MYO1F: variants seen among roughly 807,000 people sequenced by gnomAD.
MYO1F encodes the protein unconventional myosin-If.
In MYO1F, 60 loss-of-function variants were observed where a neutral mutation model predicts 146.6. The ratio of observed to expected loss-of-function variants is 0.41; its 90% CI spans 0.33 to 0.51. The LOEUF (loss-of-function observed/expected upper bound fraction) is 0.51. MYO1F is among the 20% of genes least tolerant of loss of function. MYO1F has a pLI of 0.25. For synonymous variants in MYO1F, 602 were observed against 602.1 expected, an observed-to-expected ratio of 1.00 and a Z score of 0.00; for missense variants, 1,274 against 1,534.3, an observed-to-expected ratio of 0.83 and a Z score of 2.83.
At chr19:8,546,660 C>T (rs529815277) in intron 12 of MYO1F, among the ~76,000 whole-genome samples, 33 of 151,842 alleles carry the variant, frequency 2.2e-4, no homozygotes, top group African/African-American at 7.5e-4. Flanking sequence ...GTGTCTGGCT[C>T]GGTCTGTCTC....
intron 13 of MYO1F, 171 bp downstream of exon 13, chr19:8,545,479 T>C: frequency 2.9e-6 from 2 of 698,108 alleles, no homozygotes; most frequent in Admixed American, 2.0e-5. Context: ...GCGGAATGAA[T>C]GGATGAGGGG....
chr19:8,547,997 A>AC, intron 12 of MYO1F, 39 bp downstream of exon 12: 1 of 478,510 alleles, frequency 2.1e-6, no homozygotes, highest in Non-Finnish European at 3.6e-6. Flanking sequence ...CCCCACCCCC[A>AC]CCCCAGGATC....
At chr19:8,573,666 A>G (rs545565665) in intron 1 of MYO1F, among the ~76,000 whole-genome samples, 18 of 152,120 alleles carry the variant, frequency 1.2e-4, no homozygotes, top group Non-Finnish European at 2.2e-4. Flanking sequence ...CCTGGCCAAC[A>G]TGGCGAAACC....
intron 1 of MYO1F, among the ~76,000 whole-genome samples, chr19:8,561,383 C>CTT (rs1202910061): frequency 6.5e-5 from 7 of 107,382 alleles, no homozygotes; most frequent in African/African-American, 1.1e-4. Context: ...CCTCCCTTCC[C>CTT]CCCTTCTTTC....
Position 8,527,443 on chromosome 19 carries a change from T to A in MYO1F, c.2369A>T (p.Tyr790Phe). 1 of 1,614,046 alleles carries A rather than the reference T, an allele frequency of 6.2e-7. No individual in the cohort carries two copies. Among genetic ancestry groups the A allele is most frequent in the South Asian group, 1.1e-5 (1 of 91,052 alleles). ...RDLILTPKCVYVIGREKVKKG... is the reference protein window; with the variant it reads ...RDLILTPKCVFVIGREKVKKG... ...CTTCACTTTCTCTCGCCCAATCACATACACACACTTGGGCGTCAGGATCAA... is the reference window on the plus strand; with the variant it reads ...CTTCACTTTCTCTCGCCCAATCACAAACACACACTTGGGCGTCAGGATCAA... The change falls in exon 22 of 28, where the codon TAT becomes TTT. Residue 790 changes from tyrosine (Y) to phenylalanine (F), a missense_variant. Tyr to Phe is a conservative substitution (Grantham distance 22). This residue lies in a region of MYO1F where 900 missense variants were observed against 1,155.1 expected (regional missense o/e 0.78). Coordinates refer to ENST00000644032, the MANE Select transcript of MYO1F (RefSeq NM_012335.4).
chr19:8,532,902 ATACACACAC>A (rs1317005440), intron 19 of MYO1F, among the ~76,000 whole-genome samples: 1 of 30,348 alleles, frequency 3.3e-5, no homozygotes, highest in Non-Finnish European at 5.0e-5. Context: ...AAAAAAAAAA[ATACACACAC>A]ACACACACAC....
intron 22 of MYO1F, 75 bp from the exon 23 acceptor site, chr19:8,527,010 C>G: frequency 1.3e-6 from 2 of 1,582,846 alleles, no homozygotes; most frequent in Middle Eastern, 1.7e-4. Context: ...ATGAAGGTGG[C>G]TGAAGGTGGA....
intron 19 of MYO1F, among the ~76,000 whole-genome samples, chr19:8,531,893 G>A (rs111569539): frequency 0.018 from 2,680 of 152,172 alleles, 33 homozygotes; most frequent in African/African-American, 0.037. Flanking sequence ...CGAGGTGGGC[G>A]GATCACCTGA....
At chr19:8,575,764 A>G (rs1266447363) in intron 1 of MYO1F, among the ~76,000 whole-genome samples, 2 of 152,104 alleles carry the variant, frequency 1.3e-5, no homozygotes, top group Admixed American at 1.3e-4. Context: ...GGCCCCTCCC[A>G]GACCTTGTCT....
At chr19:8,563,995 T>C (rs1303639460) in intron 1 of MYO1F, among the ~76,000 whole-genome samples, 2 of 152,182 alleles carry the variant, frequency 1.3e-5, no homozygotes, top group Non-Finnish European at 2.9e-5. Context: ...GGCAATCACA[T>C]TGATTCTTTT....
In MYO1F at chr19:8,530,869, A is replaced by T. The variant is rs529890964; in HGVS notation, c.2044-296T>A. Reference sequence around the variant, plus strand: ...AGCCTGACCGACATAGTGAAACCCCATCTCTACTAAAAATACAAAAAGAAA... The same window carrying T: ...AGCCTGACCGACATAGTGAAACCCCTTCTCTACTAAAAATACAAAAAGAAA... On this transcript the variant is annotated intron_variant, in intron 19 of 27. Transcript: ENST00000644032. The surrounding 1 kb of genome is among the most constrained non-coding windows in gnomAD (Gnocchi z 5.8). Among the ~76,000 whole-genome samples, 4 of 151,974 alleles carry T rather than the reference A, an allele frequency of 2.6e-5. No homozygotes were observed. The East Asian group carries it at 7.7e-4, about 29-fold the overall frequency.
At position 8,522,372 on chromosome 19, in the gene MYO1F, C is replaced by T; in HGVS notation, c.3220+5G>A. 2 of 1,614,024 alleles carry T rather than the reference C, an allele frequency of 1.2e-6. No individual in the cohort carries two copies. Among genetic ancestry groups the T allele is most frequent in the Non-Finnish European group, 1.7e-6 (2 of 1,180,018 alleles). On this transcript the variant is annotated splice_donor_5th_base_variant and intron_variant, in intron 27 of 27. Transcript: ENST00000644032. The stretch of plus-strand genomic sequence containing the variant: ...TCACCCCAGCTTCTGCCCTGGTACA[C>T]ACACCTTCCATGAGGATCTCAATGA...
chr19:8,531,685 G>T (rs1355041310), intron 19 of MYO1F, among the ~76,000 whole-genome samples: 3 of 152,188 alleles, frequency 2.0e-5, no homozygotes, highest in Non-Finnish European at 4.4e-5. Flanking sequence ...CTTACTACCT[G>T]TGTGCTTTTG....
At position 8,555,698 on chromosome 19, in the gene MYO1F, G is replaced by A. The variant is rs747249123; in HGVS notation, c.102C>T (p.Ala34=). Reference sequence around the variant, plus strand: ...CCATGAAGCGCTTCCGGAGGTTGGCGGCAATGGCGTCTTCGGTGATCTGGG... The same window carrying A: ...CCATGAAGCGCTTCCGGAGGTTGGCAGCAATGGCGTCTTCGGTGATCTGGG... ...LLPQITEDAI[A]ANLRKRFMDD... Residue 34 remains alanine, a synonymous_variant, in exon 2 of 28, where the codon GCC becomes GCT. Transcript: ENST00000644032. 6.8e-6 allele frequency: 11 copies of A among 1,614,148 alleles called. No homozygotes were observed. The highest frequency in any genetic ancestry group is 4.5e-5 in the East Asian group (2 of 44,872).
At chr19:8,574,421 A>G (rs1001515788) in intron 1 of MYO1F, among the ~76,000 whole-genome samples, 33 of 152,330 alleles carry the variant, frequency 2.2e-4, no homozygotes, top group African/African-American at 7.9e-4. Flanking sequence ...AATGGTCCCC[A>G]ACATTTTTGG....
intron 24 of MYO1F, 152 bp downstream of exon 24, chr19:8,526,301 T>C: frequency 8.0e-7 from 1 of 1,254,534 alleles, no homozygotes; most frequent in Non-Finnish European, 1.1e-6. Flanking sequence ...CACTCCAGCC[T>C]GGGCGACAGA....
At position 8,577,201 on chromosome 19, in the gene MYO1F, A is replaced by G. The variant is rs1432606197; in HGVS notation, c.3+106T>C. The stretch of plus-strand genomic sequence containing the variant: ...CACCCCACCCCCACAGAAGTCCACC[A>G]TGCCCCTCCCCTCACCCCAATTTCT... On this transcript the variant is annotated intron_variant, in intron 1 of 27. Coordinates refer to ENST00000644032, the MANE Select transcript of MYO1F (RefSeq NM_012335.4). This position sits in a 1 kb window ranked among gnomAD's most constrained non-coding sequence, Gnocchi z 4.3. The G allele has an allele frequency of 8.0e-6, 11 of 1,371,504 alleles. No homozygotes were observed. The highest frequency in any genetic ancestry group is 2.5e-5 in the South Asian group (2 of 80,716). The allele number at this position is 1,371,504 out of a possible 1,614,324, so 85.0% of individuals were successfully genotyped here.
At chr19:8,554,768 G>A (rs1973774287) in intron 2 of MYO1F, 25 bp from the exon 3 acceptor site, 1 of 1,608,774 alleles carries the variant, frequency 6.2e-7, no homozygotes, top group African/African-American at 1.3e-5. Flanking sequence ...AGGGTCGTGT[G>A]GTGTCCTGGT....
chr19:8,539,810 C>T (rs1358364544), intron 16 of MYO1F, 137 bp downstream of exon 16: 6 of 738,896 alleles, frequency 8.1e-6, no homozygotes, highest in Non-Finnish European at 1.4e-5. Flanking sequence ...GAACAGATGA[C>T]GTCACAGTCA....
Sources: gnomAD v4.1 joint callset for allele counts (sites outside exome capture counted in the v4.1 genomes callset) on GRCh38, gnomAD v4.1.1 for gene constraint, gnomAD v4.1.1 regional missense constraint, Gnocchi (gnomAD v3.1) non-coding constraint, MANE v1.5 for transcripts, NCBI Gene and HGNC (gene_info 2026-07-23, HGNC 2026-07-21) for gene names.